Variants in CUL3 observed in about 807,000 individuals in gnomAD.
CUL3 encodes the protein cullin 3, also known as cullin-3.
A neutral mutation model predicts 89.1 loss-of-function variants in CUL3; 19 were observed. That is an observed-to-expected ratio of 0.21 (90% CI 0.15 to 0.31). The LOEUF (loss-of-function observed/expected upper bound fraction) is 0.31. CUL3 is among the 10% of genes least tolerant of loss of function. CUL3 has a pLI of 1.00. For missense variants in CUL3, 469 were observed against 942.3 expected (o/e 0.50, Z 6.58); for synonymous variants, 351 against 308.4 (o/e 1.14, Z -1.45).
intron 1 of CUL3, chr2:224,569,712 C>T (rs754031990): frequency 4.1e-5 from 50 of 1,214,380 alleles, no homozygotes; most frequent in Non-Finnish European, 4.9e-5. Context: ...TCTGTGATTA[C>T]TGAGAGAACT....
intron 1 of CUL3, among the ~76,000 whole-genome samples, chr2:224,568,197 T>C (rs1253566219): frequency 1.3e-5 from 2 of 152,222 alleles, no homozygotes; most frequent in Non-Finnish European, 2.9e-5. Flanking sequence ...TCCTTCTCAG[T>C]TCTTCCGTGA....
intron 13 of CUL3, among the ~76,000 whole-genome samples, chr2:224,482,707 G>A (rs1409183491): frequency 6.6e-6 from 1 of 152,144 alleles, no homozygotes; most frequent in African/African-American, 2.4e-5. Context: ...TGAATAAAGT[G>A]TAATACTAGG....
intron 1 of CUL3, among the ~76,000 whole-genome samples, chr2:224,584,060 G>A (rs146376710): frequency 6.6e-6 from 1 of 152,296 alleles, no homozygotes; most frequent in East Asian, 1.9e-4. Flanking sequence ...CCACGGGGAA[G>A]CTGAACCAGA....
chr2:224,512,950 G>T (rs1692892771), intron 5 of CUL3, among the ~76,000 whole-genome samples: 2 of 152,116 alleles, frequency 1.3e-5, no homozygotes, highest in Admixed American at 1.3e-4. Context: ...TAGACAGCAA[G>T]ATCAAGCCCT....
At chr2:224,480,389 C>A (rs749535891) in intron 14 of CUL3, among the ~76,000 whole-genome samples, 1 of 152,114 alleles carries the variant, frequency 6.6e-6, no homozygotes, top group Admixed American at 6.6e-5. Context: ...GAGCCAAGAT[C>A]ATTTAAAAAC....
intron 1 of CUL3, among the ~76,000 whole-genome samples, chr2:224,578,270 T>A (rs1297619660): frequency 6.6e-6 from 1 of 152,158 alleles, no homozygotes; most frequent in Non-Finnish European, 1.5e-5. Flanking sequence ...GGGAAATGGT[T>A]AAGCAAACTG....
intron 1 of CUL3, among the ~76,000 whole-genome samples, chr2:224,566,431 T>G (rs766832282): frequency 3.3e-5 from 5 of 152,230 alleles, no homozygotes; most frequent in African/African-American, 4.8e-5. Context: ...AGTTAGCTTA[T>G]CCCTTCCTGC....
At chr2:224,524,929 A>G (rs1158359992) in intron 3 of CUL3, among the ~76,000 whole-genome samples, 1 of 152,218 alleles carries the variant, frequency 6.6e-6, no homozygotes, top group African/African-American at 2.4e-5. Context: ...TAATGCATAT[A>G]ATCTCTAAGG....
chr2:224,486,203 TCTC>T (rs1355770933), intron 13 of CUL3, among the ~76,000 whole-genome samples: 3 of 152,096 alleles, frequency 2.0e-5, no homozygotes, highest in Admixed American at 6.5e-5. Context: ...GAATGCCTCT[TCTC>T]CTCCAAAGGA....
At chr2:224,526,140 G>A (rs1008198568) in intron 3 of CUL3, among the ~76,000 whole-genome samples, 1 of 152,204 alleles carries the variant, frequency 6.6e-6, no homozygotes, top group Non-Finnish European at 1.5e-5. Context: ...AGAGTCTTGA[G>A]AGGGTAAATA....
chr2:224,533,224 C>T (rs865863984), intron 3 of CUL3: 7 of 152,200 alleles, frequency 4.6e-5, no homozygotes, highest in Non-Finnish European at 7.3e-5. Context: ...GTGGTACTAC[C>T]GAATGGGTTT....
At chr2:224,523,277 T>C (rs1172071997) in intron 3 of CUL3, among the ~76,000 whole-genome samples, 1 of 152,070 alleles carries the variant, frequency 6.6e-6, no homozygotes, top group Admixed American at 6.6e-5. Flanking sequence ...TTATTCCACC[T>C]TTAGTACTGA....
At chr2:224,568,058 C>A (rs1223507988) in intron 1 of CUL3, among the ~76,000 whole-genome samples, 2 of 152,184 alleles carry the variant, frequency 1.3e-5, no homozygotes, top group Admixed American at 6.5e-5. Context: ...GTCTTTTTTC[C>A]CCCCTGCTTT....
chr2:224,486,009 A>T (rs1691706726), intron 13 of CUL3, among the ~76,000 whole-genome samples: 2 of 152,268 alleles, frequency 1.3e-5, no homozygotes, highest in African/African-American at 4.8e-5. Context: ...GCAGACCTGC[A>T]GAAGAGAGGC....
chr2:224,536,360 A>G (rs11891006), intron 2 of CUL3, among the ~76,000 whole-genome samples: 28,929 of 152,120 alleles, frequency 0.19, 3,077 homozygotes, highest in South Asian at 0.27. Flanking sequence ...TCTCTGGAGA[A>G]GTCTTTCCCA....
intron 6 of CUL3, among the ~76,000 whole-genome samples, chr2:224,509,207 T>C (rs1178281135): frequency 6.6e-6 from 1 of 151,992 alleles, no homozygotes; most frequent in African/African-American, 2.4e-5. Context: ...CTCAGAAAAA[T>C]TAACCCCCCC....
Position 224,557,873 on chromosome 2 carries a change from AGAGAAGAGAC to A in CUL3, c.67-27_67-18del. 2 of 758,294 alleles carry A rather than the reference AGAGAAGAGAC, an allele frequency of 2.6e-6. No individual in the cohort carries two copies. The allele number at this position is 758,294 out of a possible 1,614,324, so 47.0% of individuals were successfully genotyped here. ...CATGGTCATCTGTAATATCCAAGAG[AGAGAAGAGAC>A]AAAAAAAAAAAAAAAAAAAAAACCA... is the stretch of plus-strand genomic sequence containing the variant. On this transcript the variant is annotated intron_variant, in intron 1 of 15. Coordinates refer to ENST00000264414, the MANE Select transcript of CUL3 (RefSeq NM_003590.5).
chr2:224,475,985 A>G (rs1274628763), intron 15 of CUL3, among the ~76,000 whole-genome samples: 1 of 151,952 alleles, frequency 6.6e-6, no homozygotes, highest in Admixed American at 6.6e-5. Flanking sequence ...GTTTCTGTAA[A>G]ATTTTACTGA....
At chr2:224,544,025 T>C (rs746836645) in intron 2 of CUL3, among the ~76,000 whole-genome samples, 2 of 152,106 alleles carry the variant, frequency 1.3e-5, no homozygotes, top group Non-Finnish European at 2.9e-5. Context: ...TTTTGGATTT[T>C]TGGATTAGGG....
Sources: allele counts gnomAD v4.1 joint callset (sites outside exome capture counted in the v4.1 genomes callset), GRCh38; gene constraint gnomAD v4.1.1; transcripts MANE v1.5; gene names NCBI Gene and HGNC (gene_info 2026-07-23, HGNC 2026-07-21).